TFEC: variants seen among roughly 807,000 people sequenced by gnomAD.
TFEC encodes the protein transcription factor EC.
A neutral mutation model predicts 41.6 loss-of-function variants in TFEC; 31 were observed. The ratio of observed to expected loss-of-function variants is 0.74; its 90% confidence interval spans 0.56 to 1.01. TFEC has a LOEUF of 1.01. Among genes scored for constraint, TFEC ranks in the 50% least tolerant of loss-of-function variants. The pLI is 0.00. For synonymous variants in TFEC, 143 were observed against 140.6 expected (o/e 1.02, Z -0.12); for missense variants, 402 against 404.1 (o/e 0.99, Z 0.04).
chr7:116,047,045 C>G (rs1796182070), intron 3 of TFEC, among the ~76,000 whole-genome samples: 1 of 152,106 alleles, frequency 6.6e-6, no homozygotes, highest in Admixed American at 6.6e-5. Flanking sequence ...AATGAATAAC[C>G]TGGTTCCAAG....
At chr7:116,072,180 T>A (rs906358740) in intron 3 of TFEC, among the ~76,000 whole-genome samples, 1 of 151,572 alleles carries the variant, frequency 6.6e-6, no homozygotes, top group Non-Finnish European at 1.5e-5. Flanking sequence ...TTTTTTTAGT[T>A]CTAATAGCTT....
chr7:115,991,436 G>T (rs1794106833), intron 1 of TFEC, among the ~76,000 whole-genome samples: 1 of 152,122 alleles, frequency 6.6e-6, no homozygotes, highest in Non-Finnish European at 1.5e-5. Flanking sequence ...CTGGCAAATT[G>T]GATAAAGAGT....
At chr7:116,112,519 GCTAA>G (rs1414743876) in intron 1 of TFEC, among the ~76,000 whole-genome samples, 1 of 151,858 alleles carries the variant, frequency 6.6e-6, no homozygotes, top group African/African-American at 2.4e-5. Flanking sequence ...TGGTTGTTTG[GCTAA>G]CTGATTATAG....
chr7:116,158,255 C>T (rs1584585068), intron 1 of TFEC, among the ~76,000 whole-genome samples: 1 of 152,154 alleles, frequency 6.6e-6, no homozygotes, highest in East Asian at 1.9e-4. Flanking sequence ...GGTCCATTTT[C>T]GAGCCTATAG....
At chr7:115,982,715 T>C (rs1018896546) in intron 2 of TFEC, among the ~76,000 whole-genome samples, 10 of 152,178 alleles carry the variant, frequency 6.6e-5, no homozygotes, top group African/African-American at 2.2e-4. Flanking sequence ...AGAGCAATTC[T>C]TGGGACTTTC....
chr7:115,982,582 T>A (rs1367957817), intron 2 of TFEC, among the ~76,000 whole-genome samples: 1 of 152,200 alleles, frequency 6.6e-6, no homozygotes, highest in Admixed American at 6.6e-5. Flanking sequence ...AGTAAAACTG[T>A]GATTAAATGG....
intron 6 of TFEC, among the ~76,000 whole-genome samples, chr7:115,948,644 A>C (rs1384875626): frequency 6.6e-6 from 1 of 151,956 alleles, no homozygotes; most frequent in African/African-American, 2.4e-5. Context: ...GACAAAATTC[A>C]ACAACCCTTC....
chr7:115,976,493 A>G (rs1248322828), intron 2 of TFEC, among the ~76,000 whole-genome samples: 1 of 152,152 alleles, frequency 6.6e-6, no homozygotes, highest in African/African-American at 2.4e-5. Flanking sequence ...CATGTGGTTC[A>G]TGGGTACTAC....
At chr7:115,955,075 A>G (rs1301304641) in intron 4 of TFEC, among the ~76,000 whole-genome samples, 1 of 152,044 alleles carries the variant, frequency 6.6e-6, no homozygotes, top group Admixed American at 6.6e-5. Flanking sequence ...TTTATTAGTA[A>G]TTATTATTTC....
Position 116,139,293 on chromosome 7 carries a change from G to A in TFEC, c.-69+20497C>T, listed in dbSNP as rs1053329942. Among the ~76,000 whole-genome samples, 3 of 152,138 alleles carry A rather than the reference G, an allele frequency of 2.0e-5. No individual in the cohort carries two copies. In the East Asian group the frequency reaches 5.8e-4, roughly 29 times the overall value. ...ATTATCTCTTACTCAGAGCTAACAC[G>A]GGCGTCCCAGGAACAATGGCCAAGT... On this transcript the variant is annotated intron_variant, in intron 1 of 8. Transcript: ENST00000484212.
At chr7:116,044,409 C>T (rs2130931339) in intron 3 of TFEC, among the ~76,000 whole-genome samples, 1 of 152,312 alleles carries the variant, frequency 6.6e-6, no homozygotes, top group Non-Finnish European at 1.5e-5. Context: ...GAAAGTATTA[C>T]ATGCTTTGAA....
intron 3 of TFEC, among the ~76,000 whole-genome samples, chr7:116,044,058 G>A (rs1562948911): frequency 6.6e-6 from 1 of 152,244 alleles, no homozygotes; most frequent in East Asian, 1.9e-4. Flanking sequence ...TACAGTCTCT[G>A]AAATTATAGC....
At chr7:116,063,757 T>G (rs1183749702) in intron 3 of TFEC, among the ~76,000 whole-genome samples, 2 of 152,214 alleles carry the variant, frequency 1.3e-5, no homozygotes, top group African/African-American at 4.8e-5. Flanking sequence ...TCATCCATGT[T>G]TTTACAATAA....
chr7:116,028,735 T>C (rs1282000213), intron 1 of TFEC, among the ~76,000 whole-genome samples: 2 of 152,222 alleles, frequency 1.3e-5, no homozygotes, highest in African/African-American at 4.8e-5. Flanking sequence ...AAACGATTTA[T>C]AAAAGATTAA....
At chr7:115,996,649 C>T (rs1218730626) in intron 1 of TFEC, among the ~76,000 whole-genome samples, 1 of 152,048 alleles carries the variant, frequency 6.6e-6, no homozygotes. Flanking sequence ...AATTCCAGAA[C>T]TTGGCTATCA....
intron 5 of TFEC, among the ~76,000 whole-genome samples, chr7:115,951,232 T>C (rs1388851856): frequency 6.6e-6 from 1 of 152,102 alleles, no homozygotes; most frequent in Non-Finnish European, 1.5e-5. Context: ...GAAATGTGTA[T>C]AAGTATATAT....
chr7:116,018,541 C>T (rs1356160368), intron 1 of TFEC, among the ~76,000 whole-genome samples: 1 of 152,102 alleles, frequency 6.6e-6, no homozygotes, highest in Non-Finnish European at 1.5e-5. Flanking sequence ...TGAGACCTAA[C>T]ACAAGGAATC....
At position 116,114,824 on chromosome 7, in the gene TFEC, T is replaced by C. The variant is rs576662277; in HGVS notation, c.-68-2786A>G. On this transcript the variant is annotated intron_variant, in intron 1 of 8. Transcript: ENST00000484212. The stretch of plus-strand genomic sequence containing the variant: ...GAAGGATGACAGAAATGTGAAGGAA[T>C]CAAAGAAAGACATCAGCTAGGAAGG... 2.6e-5 allele frequency among the ~76,000 whole-genome samples: 4 copies of C among 151,798 alleles called. No individual in the cohort carries two copies. The South Asian group carries it at 8.3e-4, about 32-fold the overall frequency.
At chr7:116,079,056 TAAGAGG>T (rs1797027451) in intron 3 of TFEC, among the ~76,000 whole-genome samples, 1 of 151,988 alleles carries the variant, frequency 6.6e-6, no homozygotes, top group South Asian at 2.1e-4. Flanking sequence ...ATAGATGACA[TAAGAGG>T]AATTAAAAAC....
Sources: allele counts gnomAD v4.1 joint callset (sites outside exome capture counted in the v4.1 genomes callset), GRCh38; gene constraint gnomAD v4.1.1; transcripts MANE v1.5; gene names NCBI Gene and HGNC (gene_info 2026-07-23, HGNC 2026-07-21).